STOM: variants seen among roughly 807,000 people sequenced by gnomAD.
The protein encoded by STOM is stomatin.
In STOM, 25 loss-of-function variants were observed where a neutral mutation model predicts 30.6. The ratio of observed to expected loss-of-function variants is 0.82; its 90% CI spans 0.60 to 1.14. The LOEUF (loss-of-function observed/expected upper bound fraction) is 1.14. Among genes scored for constraint, STOM ranks in the 50% most tolerant of loss-of-function variants. The probability of loss-of-function intolerance (pLI) is 0.00; values close to 1 mark genes in which losing one functional copy is unlikely to be tolerated. For synonymous variants in STOM, 118 were observed against 130.8 expected (o/e 0.90, Z 0.67); for missense variants, 292 against 365.2 (o/e 0.80, Z 1.63).
chr9:121,358,189 G>T (rs1259495227), intron 1 of STOM, among the ~76,000 whole-genome samples: 1 of 151,928 alleles, frequency 6.6e-6, no homozygotes, highest in Non-Finnish European at 1.5e-5. Context: ...AGGCATGGTG[G>T]CTCACGCCTG....
intron 2 of STOM, among the ~76,000 whole-genome samples, chr9:121,355,600 C>T (rs948847669): frequency 8.5e-5 from 13 of 152,152 alleles, no homozygotes; most frequent in East Asian, 1.9e-4. Flanking sequence ...GTATTTATGA[C>T]GTGCCAGGCA....
chr9:121,344,267 AC>A lies in STOM; in HGVS notation c.661-2860del. Among the ~76,000 whole-genome samples the A allele has an allele frequency of 1.3e-5, 2 of 152,340 alleles. 1 individual carries two copies. Among genetic ancestry groups the A allele is most frequent in the South Asian group, 4.1e-4 (2 of 4,830 alleles). ...AGAACTGTATTCCAAGGTAGGCACT[AC>A]AGAGAATACATCAGAAATCCCCTGC... On this transcript the variant is annotated intron_variant, in intron 6 of 6. Transcript: ENST00000286713.
rs115048676 is a variant in STOM, at chr9:121,341,230, A to G, written c.839T>C (p.Ile280Thr). ...PLPIDMLQGI[I>T]GAKHSHLG ...GCCTAGATGGCTGTGTTTTGCCCCT[A>G]TGATTCCTTGCAGCATATCTATGGG... The change falls in exon 7 of 7, where the codon ATA (isoleucine) becomes ACA (threonine). Residue 280 changes from isoleucine (I) to threonine (T), a missense_variant. Ile to Thr is a moderately conservative substitution (Grantham distance 89, BLOSUM62 -1). Transcript: ENST00000286713. 1.1e-4 allele frequency: 171 copies of G among 1,614,102 alleles called. No individual in the cohort carries two copies. The highest frequency in any genetic ancestry group is 1.7e-4 in the Admixed American group (10 of 60,010).
chr9:121,348,275 C>G (rs188811633), intron 5 of STOM, 126 bp from the exon 6 acceptor site: 2 of 1,336,630 alleles, frequency 1.5e-6, no homozygotes, highest in African/African-American at 2.9e-5. Context: ...AGTTACCCCA[C>G]GGTGGAACGA....
At chr9:121,358,152 A>AC (rs1554831127) in intron 1 of STOM, among the ~76,000 whole-genome samples, 2 of 150,378 alleles carry the variant, frequency 1.3e-5, no homozygotes, top group Non-Finnish European at 3.0e-5. Context: ...AAAAAAAAAA[A>AC]AATAATAATA....
intron 6 of STOM, among the ~76,000 whole-genome samples, chr9:121,346,538 T>C (rs1444709030): frequency 6.6e-6 from 1 of 152,230 alleles, no homozygotes; most frequent in African/African-American, 2.4e-5. Context: ...TACTATTCAA[T>C]CTGGTTTGGA....
In STOM at chr9:121,348,273, C is replaced by A. The variant is rs964394779; in HGVS notation, c.526-124G>T. The A allele has an allele frequency of 1.8e-5, 24 of 1,351,836 alleles. No homozygotes were observed. The South Asian group carries it at 2.2e-4, about 12-fold the overall frequency. The allele number at this position is 1,351,836 out of a possible 1,614,324, so 83.7% of individuals were successfully genotyped here. A position where few individuals can be genotyped will look rare whatever the true frequency, so the allele number is the denominator to read the frequency against. On this transcript the variant is annotated intron_variant, in intron 5 of 6. Transcript: ENST00000286713. ...GAGAGTTGTGGAGAGACAGTTACCC[C>A]ACGGTGGAACGAATGGTGACGCAGG...
rs1211931651 is a variant in STOM, at chr9:121,341,070, T to C, written c.*132A>G. The C allele has an allele frequency of 6.7e-7, 1 of 1,483,010 alleles. No homozygotes were observed. Among genetic ancestry groups the C allele is most frequent in the African/African-American group, 1.4e-5 (1 of 71,160 alleles). 91.9% of individuals were successfully genotyped at this position (1,483,010 alleles called of 1,614,324 possible). ...AAGCTAACAATTCTTTCACCTATTTTTATAACTGCTATACATTCTGGGAAC... is the reference window on the plus strand; with the variant it reads ...AAGCTAACAATTCTTTCACCTATTTCTATAACTGCTATACATTCTGGGAAC... On this transcript the variant is annotated 3_prime_UTR_variant, in exon 7 of 7. Transcript: ENST00000286713.
At chr9:121,341,477 G>C in intron 6 of STOM, 69 bp from the exon 7 acceptor site, 1 of 1,598,286 alleles carries the variant, frequency 6.3e-7, no homozygotes, top group African/African-American at 1.3e-5. Flanking sequence ...CTCTTCAACC[G>C]GGGGTATGTA....
At chr9:121,358,477 AG>A (rs1174975049) in intron 1 of STOM, among the ~76,000 whole-genome samples, 1 of 152,070 alleles carries the variant, frequency 6.6e-6, no homozygotes, top group African/African-American at 2.4e-5. Context: ...GAAGGAAGGA[AG>A]GAAGGAAATG....
intron 6 of STOM, among the ~76,000 whole-genome samples, chr9:121,345,981 T>G (rs918441301): frequency 2.0e-5 from 3 of 151,982 alleles, no homozygotes; most frequent in African/African-American, 7.2e-5. Flanking sequence ...TTTATTATTA[T>G]TAATTTTTTA....
intron 1 of STOM, among the ~76,000 whole-genome samples, chr9:121,369,596 A>T (rs1382359898): frequency 6.6e-6 from 1 of 152,130 alleles, no homozygotes; most frequent in Non-Finnish European, 1.5e-5. Flanking sequence ...GGAGCTAGAA[A>T]GAGAGGTAAG....
intron 4 of STOM, among the ~76,000 whole-genome samples, chr9:121,349,898 T>G (rs922920912): frequency 6.6e-6 from 1 of 152,206 alleles, no homozygotes; most frequent in Non-Finnish European, 1.5e-5. Context: ...AGCTAAGAAG[T>G]TATCTGAGTG....
chr9:121,353,242 G>T lies in STOM; in HGVS notation c.299C>A (p.Ser100Ter). ...TACCTCCTGAGGAGGAATATCAAAT[G>T]AAATAGTTCTCATGTCCACTTTGAT... The part of the protein sequence containing the change: ...SFIKVDMRTI[S>*]FDIPPQEILT... The change falls in exon 4 of 7, where the codon TCA becomes TAA. Residue 100 changes from serine (S) to a stop codon, truncating the protein, a stop_gained. Coordinates refer to ENST00000286713, the MANE Select transcript of STOM (RefSeq NM_004099.6). LOFTEE classifies it high-confidence loss of function. 2 of 1,610,022 alleles carry T rather than the reference G, an allele frequency of 1.2e-6. No individual in the cohort carries two copies. Among genetic ancestry groups the T allele is most frequent in the Admixed American group, 1.7e-5 (1 of 59,352 alleles).
At position 121,341,198 on chromosome 9, in the gene STOM, T is replaced by C. The variant is rs377621022; in HGVS notation, c.*4A>G. Reference sequence around the variant, plus strand: ...TGCTTGGAAGGCTAGCGCTCATCTCTACACTAGCCTAGATGGCTGTGTTTT... The same window carrying C: ...TGCTTGGAAGGCTAGCGCTCATCTCCACACTAGCCTAGATGGCTGTGTTTT... On this transcript the variant is annotated 3_prime_UTR_variant, in exon 7 of 7. Coordinates refer to ENST00000286713, the MANE Select transcript of STOM (RefSeq NM_004099.6). The C allele has an allele frequency of 3.7e-6, 6 of 1,614,068 alleles. No individual in the cohort carries two copies. In the African/African-American group the frequency reaches 8.0e-5, roughly 22 times the overall value.
intron 2 of STOM, among the ~76,000 whole-genome samples, chr9:121,355,288 T>C (rs561802159): frequency 1.4e-5 from 2 of 145,498 alleles, no homozygotes; most frequent in Admixed American, 7.0e-5. Flanking sequence ...CACGGGAGGC[T>C]GAGGCAGAAG....
In STOM at chr9:121,349,228, A is replaced by G; in HGVS notation, c.417T>C (p.Ala139=). 1.9e-6 allele frequency: 3 copies of G among 1,614,202 alleles called. No individual in the cohort carries two copies. The highest frequency in any genetic ancestry group is 2.5e-6 in the Non-Finnish European group (3 of 1,180,020). The change falls in exon 5 of 7, where the codon GCT becomes GCC. Residue 139 remains alanine (A), a synonymous_variant. Coordinates refer to ENST00000286713, the MANE Select transcript of STOM (RefSeq NM_004099.6). Reference sequence around the variant, plus strand: ...GTGCCAAAAGACGGGTTGCTGAGTCAGCGTTGGTGATATTTGCCACAGCCA... The same window carrying G: ...GTGCCAAAAGACGGGTTGCTGAGTCGGCGTTGGTGATATTTGCCACAGCCA... ...ATLAVANITN[A]DSATRLLAQT... is the part of the protein sequence containing the mutation.
chr9:121,366,122 G>A, intron 1 of STOM: 3 of 985,058 alleles, frequency 3.0e-6, no homozygotes, highest in Non-Finnish European at 3.6e-6. Context: ...TTACCATAGT[G>A]CTCACTTTAA....
chr9:121,362,440 A>C (rs570917529), intron 1 of STOM, among the ~76,000 whole-genome samples: 1 of 151,494 alleles, frequency 6.6e-6, no homozygotes, highest in South Asian at 2.1e-4. Flanking sequence ...TTAAAGATTA[A>C]TTAATTAATT....
Sources: gnomAD v4.1 joint callset for allele counts (sites outside exome capture counted in the v4.1 genomes callset) on GRCh38, gnomAD v4.1.1 for gene constraint, MANE v1.5 for transcripts, NCBI Gene and HGNC (gene_info 2026-07-23, HGNC 2026-07-21) for gene names.